Variants in FLT3 observed in about 807,000 individuals in gnomAD.
FLT3 encodes receptor-type tyrosine-protein kinase FLT3.
A neutral mutation model predicts 126.6 loss-of-function variants in FLT3; 46 were observed. The observed-to-expected ratio is 0.36, with a 90% CI of 0.29 to 0.46. FLT3 has a LOEUF of 0.46. Ranked by LOEUF, FLT3 falls within the 20% of genes least tolerant of loss-of-function variation. The probability of loss-of-function intolerance (pLI) is 1.00; values close to 1 mark genes in which losing one functional copy is unlikely to be tolerated. For synonymous variants in FLT3, 404 were observed against 434.4 expected, an observed-to-expected ratio of 0.93 and a Z score of 0.87; for missense variants, 1,069 against 1,190.3, an observed-to-expected ratio of 0.90 and a Z score of 1.50.
chr13:28,067,249 C>A (rs1268364137), intron 2 of FLT3, among the ~76,000 whole-genome samples: 1 of 152,210 alleles, frequency 6.6e-6, no homozygotes, highest in Non-Finnish European at 1.5e-5. Context: ...TCTCGAACTC[C>A]CAACCTCAGG....
At chr13:28,095,330 C>T (rs980130755) in intron 1 of FLT3, among the ~76,000 whole-genome samples, 2 of 152,100 alleles carry the variant, frequency 1.3e-5, no homozygotes, top group African/African-American at 4.8e-5. Context: ...GGCTGGAATG[C>T]AGTGGCATGA....
At chr13:28,076,540 G>A (rs1877939554) in intron 1 of FLT3, among the ~76,000 whole-genome samples, 1 of 152,202 alleles carries the variant, frequency 6.6e-6, no homozygotes, top group African/African-American at 2.4e-5. Context: ...GCCCCCAGAA[G>A]GCTGCTGGTG....
intron 1 of FLT3, among the ~76,000 whole-genome samples, chr13:28,086,462 T>C (rs1878679209): frequency 6.6e-6 from 1 of 152,216 alleles, no homozygotes; most frequent in African/African-American, 2.4e-5. Flanking sequence ...ATTATTATTA[T>C]TATTGCTTTA....
intron 15 of FLT3, among the ~76,000 whole-genome samples, chr13:28,032,351 G>C (rs1158922009): frequency 1.3e-5 from 2 of 152,242 alleles, no homozygotes; most frequent in African/African-American, 4.8e-5. Flanking sequence ...TGAGTGTGTG[G>C]AGCGAAAACG....
intron 1 of FLT3, among the ~76,000 whole-genome samples, chr13:28,099,681 T>C (rs1879694293): frequency 6.6e-6 from 1 of 151,988 alleles, no homozygotes; most frequent in Non-Finnish European, 1.5e-5. Context: ...GATTCAGTCC[T>C]CTCATCTTTC....
chr13:28,042,154 A>G (rs1874441075), intron 9 of FLT3, among the ~76,000 whole-genome samples: 1 of 105,916 alleles, frequency 9.4e-6, no homozygotes, highest in Non-Finnish European at 1.8e-5. Context: ...CGAAATAATA[A>G]TAATAATAAT....
rs1872087434 is a variant in FLT3 at position 28,018,493 on chromosome 13, C to G, written c.2515G>C (p.Asp839His). The change falls in exon 20 of 24, where the codon GAT (aspartate) becomes CAT (histidine). Residue 839 changes from aspartate (D) to histidine (H), a missense_variant. Transcript: ENST00000241453. ...TTGCCCCTGACAACATAGTTGGAAT[C>G]ACTCATGATATCTCGAGCCAATCCA... ...DFGLARDIMS[D>H]SNYVVRGNAR... The G allele has an allele frequency of 6.2e-7, 1 of 1,614,128 alleles. No homozygotes were observed. The highest frequency in any genetic ancestry group is 8.5e-7 in the Non-Finnish European group (1 of 1,180,004).
intron 5 of FLT3, among the ~76,000 whole-genome samples, chr13:28,051,248 T>C (rs968835230): frequency 4.0e-5 from 6 of 151,876 alleles, no homozygotes; most frequent in Non-Finnish European, 8.8e-5. Flanking sequence ...TTTCTTTTCT[T>C]TTTTTTTAGA....
chr13:28,063,779 T>G (rs1052054078), intron 2 of FLT3, among the ~76,000 whole-genome samples: 1 of 149,850 alleles, frequency 6.7e-6, no homozygotes, highest in Non-Finnish European at 1.5e-5. Context: ...AGAGTTTGAG[T>G]CTCCTAGGAA....
At chr13:28,081,214 G>A (rs561068176) in intron 1 of FLT3, among the ~76,000 whole-genome samples, 9 of 152,088 alleles carry the variant, frequency 5.9e-5, no homozygotes, top group African/African-American at 1.9e-4. Flanking sequence ...GATCAATTTG[G>A]GCAAAACTGA....
chr13:28,005,498 C>T lies in FLT3; in HGVS notation c.2860-1324G>A, dbSNP rs145105351. Among the ~76,000 whole-genome samples, 95 of 152,262 alleles carry T rather than the reference C, an allele frequency of 6.2e-4. 1 individual carries two copies. The highest frequency in any genetic ancestry group is 2.2e-3 in the African/African-American group (92 of 41,562). On this transcript the variant is annotated intron_variant, in intron 23 of 23. Coordinates refer to ENST00000241453, the MANE Select transcript of FLT3 (RefSeq NM_004119.3). ...TACTGCTCATATGTTGCCTGTGTCA[C>T]ATATTTACATTATTCACTAAGGATG...
intron 1 of FLT3, among the ~76,000 whole-genome samples, chr13:28,097,242 GGAAGGAAGGAAA>G (rs1268994227): frequency 4.0e-5 from 6 of 150,592 alleles, no homozygotes; most frequent in Admixed American, 1.3e-4. Flanking sequence ...AAGAAAGAAA[GGAAGGAAGGAAA>G]GAAGGAAGGA....
intron 15 of FLT3, among the ~76,000 whole-genome samples, chr13:28,030,988 AG>A (rs1873276433): frequency 6.6e-6 from 1 of 152,228 alleles, no homozygotes. Flanking sequence ...GCACTTTGGG[AG>A]GCTGAGACAG....
chr13:28,028,406 T>C (rs1184078529), intron 15 of FLT3, 118 bp from the exon 16 acceptor site: 2 of 632,256 alleles, frequency 3.2e-6, no homozygotes, highest in Admixed American at 5.1e-5. Context: ...AATTCAAAAT[T>C]ATGAGAGAAG....
chr13:28,037,260 G>C lies in FLT3; in HGVS notation c.1234C>G (p.Gln412Glu). The C allele has an allele frequency of 6.2e-7, 1 of 1,611,598 alleles. No homozygotes were observed. The highest frequency in any genetic ancestry group is 8.5e-7 in the Non-Finnish European group (1 of 1,177,918). The change falls in exon 10 of 24, where the codon CAG (glutamine) becomes GAG (glutamate). Residue 412 changes from glutamine to glutamate, a missense_variant. Gln to Glu is a conservative substitution (Grantham distance 29). Coordinates refer to ENST00000241453, the MANE Select transcript of FLT3 (RefSeq NM_004119.3). ...GCATGGAATATATATTCTCCTGGCT[G>C]GTGCTTATGATTGCAAAACTTGGAT... ...SISKFCNHKHQPGEYIFHAEN... is the reference protein window; with the variant it reads ...SISKFCNHKHEPGEYIFHAEN...
In FLT3 at chr13:28,049,642, A is replaced by G; in HGVS notation, c.875T>C (p.Leu292Pro). ...ACAAACTTGTCCTATTACCTCCTCG[A>G]GTGCTTTGTTTTCTAATTCCCAGGT... ...GLTWELENKA[L>P]EEGNYFEMST... Residue 292 changes from leucine to proline, a missense_variant, in exon 7 of 24, where the codon CTC (leucine) becomes CCC (proline). Transcript: ENST00000241453. 6.2e-7 allele frequency: 1 copy of G among 1,614,082 alleles called. No individual in the cohort carries two copies. The highest frequency in any genetic ancestry group is 8.5e-7 in the Non-Finnish European group (1 of 1,179,978).
intron 15 of FLT3, among the ~76,000 whole-genome samples, chr13:28,032,991 G>A (rs972541680): frequency 5.9e-5 from 9 of 152,120 alleles, no homozygotes; most frequent in African/African-American, 1.7e-4. Flanking sequence ...CGGAATGGAT[G>A]GAGCAACGAA....
At chr13:28,007,264 C>T (rs1870988503) in intron 23 of FLT3, among the ~76,000 whole-genome samples, 1 of 151,672 alleles carries the variant, frequency 6.6e-6, no homozygotes, top group Non-Finnish European at 1.5e-5. Context: ...TTTTCTTTTT[C>T]AAGACAGGGT....
At chr13:28,074,157 T>C (rs1877769382) in intron 1 of FLT3, among the ~76,000 whole-genome samples, 3 of 152,172 alleles carry the variant, frequency 2.0e-5, no homozygotes, top group African/African-American at 4.8e-5. Flanking sequence ...TCACACAGTA[T>C]GAACTGTTTT....
Sources: gnomAD v4.1 joint callset for allele counts (sites outside exome capture counted in the v4.1 genomes callset) on GRCh38, gnomAD v4.1.1 for gene constraint, MANE v1.5 for transcripts, NCBI Gene and HGNC (gene_info 2026-07-23, HGNC 2026-07-21) for gene names.